XYLT1: variants seen among roughly 807,000 people sequenced by gnomAD.
XYLT1 encodes xylosyltransferase 1.
In XYLT1, 36 loss-of-function variants were observed where a neutral mutation model predicts 91.3. That is an observed-to-expected ratio of 0.39 (90% CI 0.30 to 0.52). XYLT1 has a LOEUF of 0.52. Among genes scored for constraint, XYLT1 ranks in the 20% least tolerant of loss-of-function variants. The pLI, the probability that XYLT1 is intolerant of heterozygous loss-of-function variation, is 0.68. For synonymous variants in XYLT1, 588 were observed against 532.0 expected (o/e 1.11, Z -1.45); for missense variants, 1,242 against 1,284.5 (o/e 0.97, Z 0.51).
intron 1 of XYLT1, among the ~76,000 whole-genome samples, chr16:17,371,532 T>A (rs879291): frequency 0.27 from 41,340 of 152,102 alleles, 6,302 homozygotes; most frequent in Non-Finnish European, 0.36. Flanking sequence ...GGCTAATGTC[T>A]GAGATGAGGA....
chr16:17,308,916 G>C (rs934571358), intron 2 of XYLT1, among the ~76,000 whole-genome samples: 1 of 151,856 alleles, frequency 6.6e-6, no homozygotes, highest in Admixed American at 6.6e-5. Flanking sequence ...GCAAAATAGC[G>C]GATACTGTAT....
At chr16:17,132,435 G>A (rs1308206974) in intron 9 of XYLT1, among the ~76,000 whole-genome samples, 1 of 152,076 alleles carries the variant, frequency 6.6e-6, no homozygotes, top group Non-Finnish European at 1.5e-5. Context: ...AGAGAACAAG[G>A]AATTGTTACC....
intron 2 of XYLT1, among the ~76,000 whole-genome samples, chr16:17,266,399 T>C (rs1300998985): frequency 6.6e-6 from 1 of 152,228 alleles, no homozygotes; most frequent in African/African-American, 2.4e-5. Flanking sequence ...CTGTTGCATG[T>C]ACTAACTCAT....
At position 17,393,684 on chromosome 16, in the gene XYLT1, T is replaced by C. The variant is rs554225947; in HGVS notation, c.364-35634A>G. The stretch of plus-strand genomic sequence containing the variant: ...ACCCTAGTGCTTTTGGAGGCTAAGG[T>C]GGGAGGACTGTTTAAGCCCAGGAGT... On this transcript the variant is annotated intron_variant, in intron 1 of 11. Transcript: ENST00000261381. 4.6e-5 allele frequency among the ~76,000 whole-genome samples: 7 copies of C among 152,114 alleles called. No individual in the cohort carries two copies. In the South Asian group the frequency reaches 1.2e-3, roughly 27 times the overall value.
intron 5 of XYLT1, among the ~76,000 whole-genome samples, chr16:17,176,062 A>G (rs1298397454): frequency 6.6e-6 from 1 of 152,198 alleles, no homozygotes; most frequent in Non-Finnish European, 1.5e-5. Flanking sequence ...GCGGTAAAAT[A>G]TCAGTGACTC....
At chr16:17,430,671 T>C (rs899566952) in intron 1 of XYLT1, among the ~76,000 whole-genome samples, 4 of 152,172 alleles carry the variant, frequency 2.6e-5, no homozygotes, top group East Asian at 1.9e-4. Context: ...AATTCTTTTT[T>C]TCCCCACCCT....
chr16:17,190,035 G>C (rs1156732711), intron 5 of XYLT1, among the ~76,000 whole-genome samples: 3 of 152,160 alleles, frequency 2.0e-5, no homozygotes, highest in Non-Finnish European at 4.4e-5. Flanking sequence ...AACAAGAGGG[G>C]AGGCTCCATC....
At chr16:17,159,858 C>G (rs986075383) in intron 5 of XYLT1, among the ~76,000 whole-genome samples, 2 of 152,222 alleles carry the variant, frequency 1.3e-5, no homozygotes, top group African/African-American at 4.8e-5. Flanking sequence ...CTCCATCTGC[C>G]AGAAACGCAG....
intron 2 of XYLT1, among the ~76,000 whole-genome samples, chr16:17,285,074 C>T (rs917411371): frequency 3.3e-5 from 5 of 152,146 alleles, no homozygotes; most frequent in African/African-American, 1.2e-4. Context: ...GAAGCAGGGG[C>T]AGAAACAAAG....
chr16:17,224,125 G>A (rs2033021576), intron 3 of XYLT1, among the ~76,000 whole-genome samples: 1 of 152,168 alleles, frequency 6.6e-6, no homozygotes, highest in Non-Finnish European at 1.5e-5. Context: ...AGGAAATACT[G>A]AAGAAGGTAA....
chr16:17,309,448 C>G (rs1167588297), intron 2 of XYLT1, among the ~76,000 whole-genome samples: 1 of 152,092 alleles, frequency 6.6e-6, no homozygotes. Flanking sequence ...GCTGACCACC[C>G]CATACCTGGG....
At chr16:17,215,193 T>C (rs553206997) in intron 3 of XYLT1, among the ~76,000 whole-genome samples, 3 of 152,082 alleles carry the variant, frequency 2.0e-5, no homozygotes, top group Admixed American at 6.5e-5. Flanking sequence ...TTGTCTCTAT[T>C]AAAAATACAA....
At chr16:17,181,191 G>A (rs2032059345) in intron 5 of XYLT1, among the ~76,000 whole-genome samples, 1 of 152,172 alleles carries the variant, frequency 6.6e-6, no homozygotes, top group African/African-American at 2.4e-5. Flanking sequence ...TCTTCAAACA[G>A]CCTTGCAGCA....
At chr16:17,167,350 T>C (rs59293521) in intron 5 of XYLT1, among the ~76,000 whole-genome samples, 28,060 of 152,274 alleles carry the variant, frequency 0.18, 3,010 homozygotes, top group South Asian at 0.39. Flanking sequence ...TCAGGGTGTA[T>C]GTCTTTTTCC....
chr16:17,444,222 C>T (rs73527452), intron 1 of XYLT1, among the ~76,000 whole-genome samples: 1,767 of 152,298 alleles, frequency 0.012, 45 homozygotes, highest in African/African-American at 0.04. Context: ...CCATAGTCAC[C>T]GTCTAATACA....
intron 8 of XYLT1, among the ~76,000 whole-genome samples, chr16:17,136,791 C>A (rs2030740610): frequency 6.6e-6 from 1 of 152,068 alleles, no homozygotes; most frequent in Non-Finnish European, 1.5e-5. Context: ...TATTCTTAAT[C>A]TCTGCTTGCT....
chr16:17,241,453 C>T (rs2033344503), intron 3 of XYLT1, among the ~76,000 whole-genome samples: 1 of 152,248 alleles, frequency 6.6e-6, no homozygotes, highest in Admixed American at 6.5e-5. Context: ...TGGCCCACTG[C>T]CGTGGCTTCG....
At chr16:17,256,521 G>T (rs1250289557) in intron 3 of XYLT1, among the ~76,000 whole-genome samples, 1 of 151,974 alleles carries the variant, frequency 6.6e-6, no homozygotes, top group African/African-American at 2.4e-5. Context: ...TGTGATGGCG[G>T]GCGCCTGTAA....
At chr16:17,158,696 G>C (rs989685199) in intron 6 of XYLT1, 133 bp downstream of exon 6, 1 of 887,322 alleles carries the variant, frequency 1.1e-6, no homozygotes, top group African/African-American at 1.6e-5. Flanking sequence ...ACACAGCGAA[G>C]GACAGCTGGT....
Sources: gnomAD v4.1 joint callset for allele counts (sites outside exome capture counted in the v4.1 genomes callset) on GRCh38, gnomAD v4.1.1 for gene constraint, MANE v1.5 for transcripts, NCBI Gene and HGNC (gene_info 2026-07-23, HGNC 2026-07-21) for gene names.